The following EPHA6 variants were observed in gnomAD, a reference collection of about 807,000 sequenced individuals.
EPHA6 encodes the protein EPH receptor A6.
In EPHA6, 50 loss-of-function variants were observed where a neutral mutation model predicts 112.0. That is an observed-to-expected ratio of 0.45 (90% confidence interval 0.36 to 0.56). The LOEUF (loss-of-function observed/expected upper bound fraction) is 0.56, where lower values mean the gene tolerates loss of function less well. EPHA6 is among the 20% of genes least tolerant of loss of function. The pLI is 0.00. For missense variants in EPHA6, 1,280 were observed against 1,417.4 expected, an observed-to-expected ratio of 0.90 and a Z score of 1.56; for synonymous variants, 529 against 490.7, an observed-to-expected ratio of 1.08 and a Z score of -1.03.
At chr3:97,079,041 A>G (rs972208281) in intron 3 of EPHA6, among the ~76,000 whole-genome samples, 5 of 152,278 alleles carry the variant, frequency 3.3e-5, no homozygotes, top group South Asian at 2.1e-4. Context: ...AAATCATTCT[A>G]TTACAAAGAC....
In EPHA6 at chr3:97,747,462, G is replaced by C. The variant is rs1347606460; in HGVS notation, c.3168G>C (p.Leu1056Phe). The C allele has an allele frequency of 6.3e-7, 1 of 1,598,206 alleles. No homozygotes were observed. Among genetic ancestry groups the C allele is most frequent in the African/African-American group, 1.3e-5 (1 of 74,412 alleles). ...ESPGEVPEYP[L>F]FVTVGDWLDS... Reference sequence around the variant, plus strand: ...CTGGTGAAGTTCCGGAATATCCTTTGTTTGTCACAGTTGGTGACTGGCTAG... The same window carrying C: ...CTGGTGAAGTTCCGGAATATCCTTTCTTTGTCACAGTTGGTGACTGGCTAG... The change falls in exon 17 of 18, where the codon TTG becomes TTC. Residue 1056 changes from leucine (L) to phenylalanine (F), a missense_variant. This residue lies in a region of EPHA6 where 145 missense variants were observed against 153.3 expected (regional missense o/e 0.95). Transcript: ENST00000389672.
chr3:96,860,189 A>G (rs1363543693), intron 1 of EPHA6, among the ~76,000 whole-genome samples: 1 of 152,096 alleles, frequency 6.6e-6, no homozygotes, highest in Non-Finnish European at 1.5e-5. Flanking sequence ...TAGTTAGGGA[A>G]GTTAACATCT....
intron 7 of EPHA6, among the ~76,000 whole-genome samples, chr3:97,451,443 C>A (rs899418287): frequency 1.3e-5 from 2 of 151,458 alleles, no homozygotes; most frequent in African/African-American, 4.8e-5. Flanking sequence ...TCAGGAATGC[C>A]GCGAAAATGA....
chr3:96,878,300 G>A (rs187889348), intron 2 of EPHA6, among the ~76,000 whole-genome samples: 4 of 151,874 alleles, frequency 2.6e-5, no homozygotes, highest in African/African-American at 9.6e-5. Flanking sequence ...AGGCCCATAT[G>A]CCTGGAAAAT....
At chr3:97,442,591 C>A (rs1453290018) in intron 6 of EPHA6, among the ~76,000 whole-genome samples, 1 of 152,038 alleles carries the variant, frequency 6.6e-6, no homozygotes, top group Non-Finnish European at 1.5e-5. Flanking sequence ...GAGAGAGAGA[C>A]TGAAGAACAA....
chr3:96,891,830 T>C (rs1006587269), intron 2 of EPHA6, among the ~76,000 whole-genome samples: 2 of 152,240 alleles, frequency 1.3e-5, no homozygotes, highest in Admixed American at 1.3e-4. Flanking sequence ...CCATATACTT[T>C]GTTCTGTTCC....
intron 5 of EPHA6, among the ~76,000 whole-genome samples, chr3:97,255,099 G>C (rs1053806512): frequency 6.6e-6 from 1 of 152,026 alleles, no homozygotes; most frequent in African/African-American, 2.4e-5. Flanking sequence ...TCACAAAGGA[G>C]TGACAGTATA....
intron 14 of EPHA6, among the ~76,000 whole-genome samples, chr3:97,702,438 A>G (rs1307884151): frequency 1.3e-5 from 2 of 152,212 alleles, no homozygotes. Context: ...GTCAAAATAG[A>G]TGAGCACTTA....
intron 3 of EPHA6, among the ~76,000 whole-genome samples, chr3:97,107,373 C>T (rs1323701351): frequency 2.0e-5 from 3 of 152,046 alleles, no homozygotes; most frequent in African/African-American, 7.2e-5. Flanking sequence ...ACCGAGTCAT[C>T]CTGGATGACA....
At chr3:97,217,220 A>G (rs2078059736) in intron 3 of EPHA6, among the ~76,000 whole-genome samples, 1 of 152,178 alleles carries the variant, frequency 6.6e-6, no homozygotes, top group African/African-American at 2.4e-5. Flanking sequence ...TGTCAGTATG[A>G]CAGAGAAAAG....
chr3:97,393,592 A>G (rs2086540246), intron 5 of EPHA6, among the ~76,000 whole-genome samples: 1 of 150,454 alleles, frequency 6.6e-6, no homozygotes, highest in Non-Finnish European at 1.5e-5. Context: ...ACAGATAGTG[A>G]GAGTTTTCTG....
intron 5 of EPHA6, among the ~76,000 whole-genome samples, chr3:97,265,311 C>T (rs1386964301): frequency 6.6e-6 from 1 of 152,220 alleles, no homozygotes; most frequent in Non-Finnish European, 1.5e-5. Context: ...TCCTCCATGG[C>T]TCCCAGGCTG....
intron 11 of EPHA6, among the ~76,000 whole-genome samples, chr3:97,576,427 G>T (rs2093385982): frequency 6.6e-6 from 1 of 152,112 alleles, no homozygotes; most frequent in South Asian, 2.1e-4. Flanking sequence ...CTCATCAACT[G>T]CGCTGGCAGA....
rs151139258 is a variant in EPHA6 at position 97,033,567 on chromosome 3, A to G, written c.1114+45574A>G. Among the ~76,000 whole-genome samples, 4 of 152,086 alleles carry G rather than the reference A, an allele frequency of 2.6e-5. No homozygotes were observed. The East Asian group carries it at 7.7e-4, about 29-fold the overall frequency. On this transcript the variant is annotated intron_variant, in intron 3 of 17. Transcript: ENST00000389672. ...ACTCATAAAAAGTGGTAGCTGTATGATAGTGTTTGGCTGATAAGAGTATTA... is the reference window on the plus strand; with the variant it reads ...ACTCATAAAAAGTGGTAGCTGTATGGTAGTGTTTGGCTGATAAGAGTATTA...
intron 1 of EPHA6, among the ~76,000 whole-genome samples, chr3:96,817,086 G>C (rs1378651940): frequency 6.6e-6 from 1 of 151,926 alleles, no homozygotes; most frequent in Non-Finnish European, 1.5e-5. Flanking sequence ...GATAACACAG[G>C]CTGTGCATAA....
At chr3:96,816,779 G>A (rs2032821167) in intron 1 of EPHA6, among the ~76,000 whole-genome samples, 1 of 151,940 alleles carries the variant, frequency 6.6e-6, no homozygotes, top group Admixed American at 6.5e-5. Context: ...GTGCCATTCT[G>A]CCAAAATATG....
chr3:97,350,308 T>G (rs988337185), intron 5 of EPHA6, among the ~76,000 whole-genome samples: 1 of 152,028 alleles, frequency 6.6e-6, no homozygotes, highest in African/African-American at 2.4e-5. Context: ...GGGAAGATTG[T>G]AAAGGTTGTT....
chr3:97,631,587 CT>C (rs1453180923), intron 13 of EPHA6, among the ~76,000 whole-genome samples: 1 of 151,870 alleles, frequency 6.6e-6, no homozygotes, highest in Non-Finnish European at 1.5e-5. Context: ...TCCATTACTT[CT>C]TTTTTTAGCT....
intron 3 of EPHA6, among the ~76,000 whole-genome samples, chr3:97,056,155 G>T (rs971692103): frequency 1.3e-5 from 2 of 152,048 alleles, no homozygotes; most frequent in Non-Finnish European, 2.9e-5. Context: ...TTCATCTTGT[G>T]ACAGCTGATA....
Sources: allele counts gnomAD v4.1 joint callset (sites outside exome capture counted in the v4.1 genomes callset), GRCh38; gene constraint gnomAD v4.1.1; regional missense constraint gnomAD v4.1.1; transcripts MANE v1.5; gene names NCBI Gene and HGNC (gene_info 2026-07-23, HGNC 2026-07-21).